The following PHACTR2 variants were observed in gnomAD, a reference collection of about 807,000 sequenced individuals.
PHACTR2 encodes phosphatase and actin regulator 2.
In PHACTR2, 30 loss-of-function variants were observed where a neutral mutation model predicts 76.0. The ratio of observed to expected loss-of-function variants is 0.39; its 90% CI spans 0.30 to 0.54. The LOEUF (loss-of-function observed/expected upper bound fraction) is 0.54. PHACTR2 is among the 20% of genes least tolerant of loss of function. The pLI is 0.61. For missense variants in PHACTR2, 696 were observed against 781.1 expected, an observed-to-expected ratio of 0.89 and a Z score of 1.30; for synonymous variants, 292 against 292.5, an observed-to-expected ratio of 1.00 and a Z score of 0.02.
intron 1 of PHACTR2, among the ~76,000 whole-genome samples, chr6:143,655,776 C>T (rs1776838696): frequency 6.6e-6 from 1 of 152,216 alleles, no homozygotes; most frequent in African/African-American, 2.4e-5. Flanking sequence ...TTACCACATA[C>T]TTGCTATTAT....
At chr6:143,796,249 A>G (rs1775817708) in intron 11 of PHACTR2, among the ~76,000 whole-genome samples, 2 of 152,214 alleles carry the variant, frequency 1.3e-5, no homozygotes, top group African/African-American at 4.8e-5. Flanking sequence ...TGAGTAGTCC[A>G]GAAATCCTCT....
At chr6:143,690,212 G>A (rs1777612972) in intron 1 of PHACTR2, among the ~76,000 whole-genome samples, 1 of 152,174 alleles carries the variant, frequency 6.6e-6, no homozygotes. Context: ...TTCTCAATAT[G>A]TTCAAATACT....
At chr6:143,666,206 C>T (rs570209800) in intron 1 of PHACTR2, among the ~76,000 whole-genome samples, 2 of 152,296 alleles carry the variant, frequency 1.3e-5, no homozygotes, top group South Asian at 2.1e-4. Flanking sequence ...AGGACATGAA[C>T]TAATCCTTTT....
rs1776360263 is a variant in PHACTR2 at position 143,819,046 on chromosome 6, A to G, written c.1923-4628A>G. On this transcript the variant is annotated intron_variant, in intron 12 of 12. Coordinates refer to ENST00000440869, the MANE Select transcript of PHACTR2 (RefSeq NM_001100164.2). This position sits in a 1 kb window ranked among gnomAD's most constrained non-coding sequence, Gnocchi z 5.0. ...GTATATTAGTATACATTTACTTGTA[A>G]TTAAGTTTAGGGGCTTCTGATTGGA... Among the ~76,000 whole-genome samples, 1 of 152,160 alleles carries G rather than the reference A, an allele frequency of 6.6e-6. No homozygotes were observed. The highest frequency in any genetic ancestry group is 2.1e-4 in the South Asian group (1 of 4,834).
intron 1 of PHACTR2, among the ~76,000 whole-genome samples, chr6:143,660,244 CA>C (rs11330374): frequency 0.2 from 23,049 of 115,678 alleles, 1,869 homozygotes; most frequent in East Asian, 0.42. Flanking sequence ...GAGCAATTTA[CA>C]AAAAAAAAAA....
chr6:143,567,380 TTTTA>T (rs952281840), intron 1 of PHACTR2, among the ~76,000 whole-genome samples: 31 of 152,146 alleles, frequency 2.0e-4, no homozygotes, highest in African/African-American at 5.8e-4. Flanking sequence ...ATTTATTGAC[TTTTA>T]TTTATTTATT....
chr6:143,644,237 G>A (rs201047764), intron 1 of PHACTR2, among the ~76,000 whole-genome samples: 1 of 152,022 alleles, frequency 6.6e-6, no homozygotes, highest in East Asian at 1.9e-4. Flanking sequence ...ACAGGCTAAG[G>A]CGGGTGGAAC....
rs1402852446 is a variant in PHACTR2 at position 143,548,204 on chromosome 6, G to A, written c.217+10997G>A. 6.6e-6 allele frequency among the ~76,000 whole-genome samples: 1 copy of A among 152,144 alleles called. No individual in the cohort carries two copies. Among genetic ancestry groups the A allele is most frequent in the African/African-American group, 2.4e-5 (1 of 41,426 alleles). The stretch of plus-strand genomic sequence containing the variant: ...CTCACATGGCAGAGGGAGGAAGAAA[G>A]CTCTCTGTGAGCTCCTATAATGACA... On this transcript the variant is annotated intron_variant, in intron 1 of 11. Transcript: ENST00000367584. The surrounding 1 kb of genome is among the most constrained non-coding windows in gnomAD (Gnocchi z 4.5).
intron 1 of PHACTR2, among the ~76,000 whole-genome samples, chr6:143,572,754 T>C (rs1397485060): frequency 1.3e-5 from 2 of 152,212 alleles, no homozygotes; most frequent in Non-Finnish European, 2.9e-5. Flanking sequence ...GGTTTCACCA[T>C]GTTGGCCAGG....
chr6:143,666,620 A>C (rs1253262487), intron 1 of PHACTR2, among the ~76,000 whole-genome samples: 1 of 152,154 alleles, frequency 6.6e-6, no homozygotes, highest in Non-Finnish European at 1.5e-5. Context: ...GCATTTCTTT[A>C]ATGACCAGTG....
chr6:143,786,378 A>G (rs1775557971), intron 10 of PHACTR2, among the ~76,000 whole-genome samples: 2 of 152,240 alleles, frequency 1.3e-5, no homozygotes, highest in Non-Finnish European at 2.9e-5. Context: ...CCATATTGCT[A>G]TCAGCATTTT....
At chr6:143,788,717 A>G (rs1775610151) in intron 10 of PHACTR2, 56 bp from the exon 11 acceptor site, 1 of 1,507,256 alleles carries the variant, frequency 6.6e-7, no homozygotes, top group African/African-American at 1.4e-5. Flanking sequence ...AAAACTTGCC[A>G]CCATGAGGCT....
At position 143,611,947 on chromosome 6, in the gene PHACTR2, A is replaced by G. The variant is rs947656733; in HGVS notation, c.13+3625A>G. Among the ~76,000 whole-genome samples, 1 of 152,190 alleles carries G rather than the reference A, an allele frequency of 6.6e-6. No homozygotes were observed. Among genetic ancestry groups the G allele is most frequent in the Non-Finnish European group, 1.5e-5 (1 of 68,038 alleles). Reference sequence around the variant, plus strand: ...CTGCAGCAGTCAAAGGAGACCCTGGAGGTTTCCCGTTAGAGAATTTAAGAC... The same window carrying G: ...CTGCAGCAGTCAAAGGAGACCCTGGGGGTTTCCCGTTAGAGAATTTAAGAC... On this transcript the variant is annotated intron_variant, in intron 1 of 11. Coordinates refer to the PHACTR2 transcript ENST00000305766. This position sits in a 1 kb window ranked among gnomAD's most constrained non-coding sequence, Gnocchi z 4.4.
At chr6:143,567,845 A>G (rs1775384900) in intron 1 of PHACTR2, among the ~76,000 whole-genome samples, 1 of 152,230 alleles carries the variant, frequency 6.6e-6, no homozygotes, top group Non-Finnish European at 1.5e-5. Context: ...GGTTTAAAGT[A>G]TGCTCTGAGA....
chr6:143,819,361 G>C lies in PHACTR2; in HGVS notation c.1923-4313G>C, dbSNP rs537009406. Among the ~76,000 whole-genome samples the C allele has an allele frequency of 1.2e-3, 188 of 152,330 alleles. 1 individual carries two copies. The highest frequency in any genetic ancestry group is 4.0e-3 in the African/African-American group (168 of 41,576). ...AGGTAATAGGACAGGGGTGGGTATA[G>C]ATCCGATGGCCAAGAAAGGGGTCTG... On this transcript the variant is annotated intron_variant, in intron 12 of 12. Coordinates refer to ENST00000440869, the MANE Select transcript of PHACTR2 (RefSeq NM_001100164.2). The surrounding 1 kb of genome is among the most constrained non-coding windows in gnomAD (Gnocchi z 5.0).
chr6:143,813,320 T>C (rs1291302044), intron 12 of PHACTR2, among the ~76,000 whole-genome samples: 2 of 152,158 alleles, frequency 1.3e-5, no homozygotes, highest in Non-Finnish European at 2.9e-5. Context: ...CAGTATATTT[T>C]ATTTAAAATT....
chr6:143,727,063 T>A (rs2128464694), intron 2 of PHACTR2, among the ~76,000 whole-genome samples: 1 of 152,258 alleles, frequency 6.6e-6, no homozygotes, highest in South Asian at 2.1e-4. Context: ...TAACTGTATG[T>A]TTGTACCCAT....
rs12200304 is a variant in PHACTR2 at position 143,602,871 on chromosome 6, A to G, written c.217+65664A>G. On this transcript the variant is annotated intron_variant, in intron 1 of 11. Transcript: ENST00000367584. The surrounding 1 kb of genome is among the most constrained non-coding windows in gnomAD (Gnocchi z 6.1). ...TAAAGAGGGTAAGTGTGGGCTGGGC[A>G]CAGTGGCTCATGCCTGTAACCCCAG... 0.44 allele frequency among the ~76,000 whole-genome samples: 66,646 copies of G among 151,962 alleles called. 15,169 individuals are homozygous for G. The highest frequency in any genetic ancestry group is 0.5 in the Non-Finnish European group (33,700 of 67,972).
At position 143,657,788 on chromosome 6, in the gene PHACTR2, C is replaced by T. The variant is rs75524816; in HGVS notation, c.13+49466C>T. On this transcript the variant is annotated intron_variant, in intron 1 of 11. Coordinates refer to the PHACTR2 transcript ENST00000305766. Reference sequence around the variant, plus strand: ...GGTGTGGGGACCTTGATGCTTGCCCCGTGTTGATCAGGCATTGGATGTGGG... The same window carrying T: ...GGTGTGGGGACCTTGATGCTTGCCCTGTGTTGATCAGGCATTGGATGTGGG... 1.6e-3 allele frequency among the ~76,000 whole-genome samples: 240 copies of T among 152,174 alleles called. 3 individuals are homozygous for T. The East Asian group carries it at 0.024, about 15-fold the overall frequency.
Sources: gnomAD v4.1 joint callset for allele counts (sites outside exome capture counted in the v4.1 genomes callset) on GRCh38, gnomAD v4.1.1 for gene constraint, Gnocchi (gnomAD v3.1) non-coding constraint, MANE v1.5 for transcripts, NCBI Gene and HGNC (gene_info 2026-07-23, HGNC 2026-07-21) for gene names.